RAB30: variants seen among roughly 807,000 people sequenced by gnomAD.
RAB30 encodes RAB30, member RAS oncogene family.
Under a neutral mutation model 25.1 loss-of-function variants are expected in RAB30, and 9 were observed. The ratio of observed to expected loss-of-function variants is 0.36; its 90% CI spans 0.22 to 0.63. The LOEUF is 0.63. RAB30 is among the 20% of genes least tolerant of loss of function. The pLI, the probability that RAB30 is intolerant of heterozygous loss-of-function variation, is 0.69. For synonymous variants in RAB30, 77 were observed against 86.4 expected (o/e 0.89, Z 0.60); for missense variants, 140 against 243.5 (o/e 0.58, Z 2.83).
At chr11:82,999,504 A>C (rs1276034935) in intron 1 of RAB30, among the ~76,000 whole-genome samples, 3 of 152,226 alleles carry the variant, frequency 2.0e-5, no homozygotes. Context: ...CCCTAAGGGC[A>C]GTACCTGGCT....
chr11:82,974,422 A>G lies in RAB30; in HGVS notation c.*7743T>C, dbSNP rs1299956616. On this transcript the variant is annotated 3_prime_UTR_variant, in exon 5 of 5. Coordinates refer to ENST00000527633, the MANE Select transcript of RAB30 (RefSeq NM_001286060.2). ...CGGGTCATCAGTGGGTTATATTTCT[A>G]ACAGGCTTTTTGTTAAGTAAAAAGA... 6.6e-6 allele frequency: 1 copy of G among 152,122 alleles called. No homozygotes were observed. The highest frequency in any genetic ancestry group is 1.5e-5 in the Non-Finnish European group (1 of 68,002). The allele number at this position is 152,122 out of a possible 1,614,324, so 9.4% of individuals were successfully genotyped here.
intron 1 of RAB30, among the ~76,000 whole-genome samples, chr11:83,055,743 C>T (rs1858445935): frequency 6.6e-6 from 1 of 152,222 alleles, no homozygotes; most frequent in African/African-American, 2.4e-5. Flanking sequence ...TAGCACCTTA[C>T]AAAAAGGGCT....
chr11:83,042,704 G>T (rs1858154277), intron 1 of RAB30, among the ~76,000 whole-genome samples: 1 of 152,176 alleles, frequency 6.6e-6, no homozygotes, highest in African/African-American at 2.4e-5. Flanking sequence ...CTCCTTTTGT[G>T]ATGATATGGG....
intron 1 of RAB30, among the ~76,000 whole-genome samples, chr11:83,054,741 C>T (rs982177341): frequency 6.6e-6 from 1 of 151,720 alleles, no homozygotes; most frequent in African/African-American, 2.4e-5. Flanking sequence ...GGGGTGTGCA[C>T]CTGTAGCCCC....
chr11:83,023,320 C>T (rs1443019841), intron 1 of RAB30, among the ~76,000 whole-genome samples: 1 of 152,164 alleles, frequency 6.6e-6, no homozygotes, highest in Non-Finnish European at 1.5e-5. Context: ...ATTAATTGTT[C>T]ATAAACCTAC....
At position 83,020,159 on chromosome 11, in the gene RAB30, C is replaced by T. The variant is rs140458916; in HGVS notation, c.-8-22835G>A. On this transcript the variant is annotated intron_variant, in intron 1 of 4. Transcript: ENST00000527633. The stretch of plus-strand genomic sequence containing the variant: ...CTCCACGGAGCAGGTAGAAGCCCCA[C>T]CCTCTCGGGCACAGCTACAGCCACT... 7.4e-3 allele frequency among the ~76,000 whole-genome samples: 1,129 copies of T among 152,352 alleles called. 8 individuals are homozygous for T. The highest frequency in any genetic ancestry group is 0.011 in the Non-Finnish European group (763 of 68,024).
intron 1 of RAB30, among the ~76,000 whole-genome samples, chr11:82,998,330 A>G (rs933582515): frequency 2.0e-5 from 3 of 152,212 alleles, no homozygotes; most frequent in African/African-American, 7.2e-5. Context: ...TACTAAAAGA[A>G]TGCTCTGTCT....
At chr11:82,995,773 T>C (rs1287940800) in intron 2 of RAB30, among the ~76,000 whole-genome samples, 1 of 152,236 alleles carries the variant, frequency 6.6e-6, no homozygotes, top group East Asian at 1.9e-4. Flanking sequence ...GCTAAGAACC[T>C]GGAACCCGGG....
chr11:83,033,055 CTTTTTTTTTT>C (rs71463144), intron 1 of RAB30, among the ~76,000 whole-genome samples: 3 of 77,864 alleles, frequency 3.9e-5, no homozygotes, highest in Non-Finnish European at 7.6e-5. Flanking sequence ...GCCTCAAATT[CTTTTTTTTTT>C]TTTTTTTTTT....
intron 3 of RAB30, among the ~76,000 whole-genome samples, chr11:82,989,669 C>T (rs951141196): frequency 6.6e-6 from 1 of 152,224 alleles, no homozygotes; most frequent in African/African-American, 2.4e-5. Flanking sequence ...GTTCCCACAT[C>T]TTGAGAACAG....
chr11:83,012,402 T>C (rs1396971599), intron 1 of RAB30, among the ~76,000 whole-genome samples: 1 of 152,172 alleles, frequency 6.6e-6, no homozygotes, highest in East Asian at 1.9e-4. Context: ...TAAGAAGTAG[T>C]ACAGTGCCCT....
chr11:82,982,312 T>C lies in RAB30; in HGVS notation c.465A>G (p.Glu155=), dbSNP rs1316331615. Reference sequence around the variant, plus strand: ...GGAAGAGTTTCTCCACATTATCAGATTCCTTGGCTGAGGTCTCCAGATAAT... The same window carrying C: ...GGAAGAGTTTCTCCACATTATCAGACTCCTTGGCTGAGGTCTCCAGATAAT... The part of the protein sequence containing the change: ...DMYYLETSAK[E]SDNVEKLFLD... Residue 155 remains glutamate (E), a synonymous_variant, in exon 5 of 5, where the codon GAA becomes GAG. Transcript: ENST00000527633. The C allele has an allele frequency of 6.2e-7, 1 of 1,614,248 alleles. No homozygotes were observed. The highest frequency in any genetic ancestry group is 8.5e-7 in the Non-Finnish European group (1 of 1,180,040).
intron 1 of RAB30, among the ~76,000 whole-genome samples, chr11:83,044,108 G>A (rs936066494): frequency 1.3e-5 from 2 of 152,154 alleles, no homozygotes; most frequent in African/African-American, 2.4e-5. Flanking sequence ...GGCAAGAAAC[G>A]TGGGCAGGTC....
intron 1 of RAB30, among the ~76,000 whole-genome samples, chr11:83,017,046 T>A (rs143842255): frequency 3.7e-4 from 57 of 152,198 alleles, no homozygotes; most frequent in African/African-American, 1.3e-3. Context: ...AGTGACTTAA[T>A]AAGGTATAGA....
chr11:83,012,783 A>G (rs2121496275), intron 1 of RAB30, among the ~76,000 whole-genome samples: 1 of 152,262 alleles, frequency 6.6e-6, no homozygotes, highest in South Asian at 2.1e-4. Context: ...GGGCATGCAG[A>G]GCCCTCCACA....
Position 82,981,839 on chromosome 11 carries a change from A to G in RAB30, c.*326T>C. On this transcript the variant is annotated 3_prime_UTR_variant, in exon 5 of 5. Transcript: ENST00000527633. ...ACTGATGTGCAGGAGGGATCCCTAC[A>G]GTACATTTCCCCCCGGACTCTGTTT... 1 of 295,338 alleles carries G rather than the reference A, an allele frequency of 3.4e-6. No individual in the cohort carries two copies. Among genetic ancestry groups the G allele is most frequent in the South Asian group, 4.1e-5 (1 of 24,592 alleles). The allele number at this position is 295,338 out of a possible 1,614,324, so 18.3% of individuals were successfully genotyped here. A position where few individuals can be genotyped will look rare whatever the true frequency, so the allele number is the denominator to read the frequency against.
chr11:83,047,697 C>G (rs748492908), intron 1 of RAB30, among the ~76,000 whole-genome samples: 27 of 152,172 alleles, frequency 1.8e-4, no homozygotes, highest in Non-Finnish European at 3.4e-4. Flanking sequence ...TTTAATGTTC[C>G]TCCTCTGTTC....
intron 1 of RAB30, among the ~76,000 whole-genome samples, chr11:83,069,844 C>T (rs983588618): frequency 7.2e-5 from 11 of 152,140 alleles, no homozygotes; most frequent in African/African-American, 2.7e-4. Context: ...CAAACCAGAC[C>T]AGGGGTCAGG....
At chr11:83,028,564 T>C (rs1021906121) in intron 1 of RAB30, among the ~76,000 whole-genome samples, 1 of 151,900 alleles carries the variant, frequency 6.6e-6, no homozygotes, top group Non-Finnish European at 1.5e-5. Flanking sequence ...GAAAGACAAA[T>C]AGGTTATATA....
Sources: allele counts gnomAD v4.1 joint callset (sites outside exome capture counted in the v4.1 genomes callset), GRCh38; gene constraint gnomAD v4.1.1; transcripts MANE v1.5; gene names NCBI Gene and HGNC (gene_info 2026-07-23, HGNC 2026-07-21).